The following GPR37 variants were observed in gnomAD, a reference collection of about 807,000 sequenced individuals.
The protein encoded by GPR37 is G protein-coupled receptor 37.
GPR37 carries 20 observed loss-of-function variants against 43.6 expected under a neutral mutation model. The ratio of observed to expected loss-of-function variants is 0.46; its 90% CI spans 0.32 to 0.67. GPR37 has a LOEUF of 0.67. Ranked by LOEUF, GPR37 falls within the 30% of genes least tolerant of loss-of-function variation. The probability of loss-of-function intolerance (pLI) is 0.03; values close to 1 mark genes in which losing one functional copy is unlikely to be tolerated. For missense variants in GPR37, 724 were observed against 797.2 expected, an observed-to-expected ratio of 0.91 and a Z score of 1.11; for synonymous variants, 315 against 322.6, an observed-to-expected ratio of 0.98 and a Z score of 0.25.
intron 1 of GPR37, among the ~76,000 whole-genome samples, chr7:124,754,082 A>C (rs1025171366): frequency 1.3e-5 from 2 of 152,102 alleles, no homozygotes; most frequent in Non-Finnish European, 2.9e-5. Context: ...AATAATACAA[A>C]CAGAAAGAAA....
intron 1 of GPR37, 56 bp from the exon 2 acceptor site, chr7:124,747,399 C>G (rs1793686425): frequency 1.8e-6 from 2 of 1,138,868 alleles, no homozygotes; most frequent in Non-Finnish European, 2.5e-6. Context: ...GATCAAAGCA[C>G]TAGGAAATAA....
At chr7:124,763,032 G>T (rs1235107371) in intron 1 of GPR37, among the ~76,000 whole-genome samples, 2 of 152,164 alleles carry the variant, frequency 1.3e-5, no homozygotes, top group Non-Finnish European at 2.9e-5. Flanking sequence ...AAAGAGCAAA[G>T]TCCACCTACC....
chr7:124,752,480 T>C (rs1239959146), intron 1 of GPR37, among the ~76,000 whole-genome samples: 2 of 152,150 alleles, frequency 1.3e-5, no homozygotes, highest in Admixed American at 6.5e-5. Flanking sequence ...CTCATTACAG[T>C]CTACTAGGCA....
Position 124,746,484 on chromosome 7 carries a change from A to G in GPR37, c.*41T>C, listed in dbSNP as rs774209304. ...GAATTAAAAACTTTCACGGGATATG[A>G]AAATCAAACAAATAAATCTGACCCA... On this transcript the variant is annotated 3_prime_UTR_variant, in exon 2 of 2. Coordinates refer to ENST00000303921, the MANE Select transcript of GPR37 (RefSeq NM_005302.5). 10 of 1,409,302 alleles carry G rather than the reference A, an allele frequency of 7.1e-6. No individual in the cohort carries two copies. The South Asian group carries it at 1.5e-4, about 22-fold the overall frequency. The allele number at this position is 1,409,302 out of a possible 1,614,324, so 87.3% of individuals were successfully genotyped here.
intron 1 of GPR37, among the ~76,000 whole-genome samples, chr7:124,751,082 TTC>T (rs1486775404): frequency 6.6e-6 from 1 of 152,098 alleles, no homozygotes; most frequent in Non-Finnish European, 1.5e-5. Flanking sequence ...ACATCCAGGC[TTC>T]TGTTTTCAAA....
In GPR37 at chr7:124,765,237, A is replaced by G. The variant is rs1793906974; in HGVS notation, c.-261T>C. ...AAGGTATGCCCTCCAAGGTTCCTAG[A>G]GGGAATAGGCTACTCCCGGTGGCTG... On this transcript the variant is annotated 5_prime_UTR_variant, in exon 1 of 2. Transcript: ENST00000303921. 1.2e-5 allele frequency: 5 copies of G among 415,406 alleles called. No homozygotes were observed. The highest frequency in any genetic ancestry group is 1.6e-4 in the South Asian group (2 of 12,648). The allele number at this position is 415,406 out of a possible 1,614,324, so 25.7% of individuals were successfully genotyped here.
rs34579557 is a variant in GPR37, at chr7:124,744,610, A to G, written c.*1915T>C. ...GCCTTTCATGCTCTCTTCTAACCCT[A>G]TAAGCATTCCCTCTATTCCAAAGTA... is the stretch of plus-strand genomic sequence containing the variant. On this transcript the variant is annotated 3_prime_UTR_variant, in exon 2 of 2. Coordinates refer to ENST00000303921, the MANE Select transcript of GPR37 (RefSeq NM_005302.5). 17 of 152,258 alleles carry G rather than the reference A, an allele frequency of 1.1e-4. No individual in the cohort carries two copies. In the East Asian group the frequency reaches 2.9e-3, roughly 26 times the overall value. 9.4% of individuals were successfully genotyped at this position (152,258 alleles called of 1,614,324 possible). A position where few individuals can be genotyped will look rare whatever the true frequency, so the allele number is the denominator to read the frequency against.
rs144750684 is a variant in GPR37 at position 124,744,801 on chromosome 7, T to C, written c.*1724A>G. On this transcript the variant is annotated 3_prime_UTR_variant, in exon 2 of 2. Coordinates refer to ENST00000303921, the MANE Select transcript of GPR37 (RefSeq NM_005302.5). ...TAGTTACTCAGGTAATAGGATAGAATCTTTTCCACATGACATGCTCAATTG... is the reference window on the plus strand; with the variant it reads ...TAGTTACTCAGGTAATAGGATAGAACCTTTTCCACATGACATGCTCAATTG... 1,335 of 152,280 alleles carry C rather than the reference T, an allele frequency of 8.8e-3. 21 individuals carry two copies. The highest frequency in any genetic ancestry group is 0.031 in the African/African-American group (1,281 of 41,562). The allele number at this position is 152,280 out of a possible 1,614,324, so 9.4% of individuals were successfully genotyped here.
Position 124,744,174 on chromosome 7 carries a change from A to G in GPR37, c.*2351T>C, listed in dbSNP as rs1255754445. 3 of 152,214 alleles carry G rather than the reference A, an allele frequency of 2.0e-5. No individual in the cohort carries two copies. In the South Asian group the frequency reaches 6.2e-4, roughly 32 times the overall value. The allele number at this position is 152,214 out of a possible 1,614,324, so 9.4% of individuals were successfully genotyped here. A position where few individuals can be genotyped will look rare whatever the true frequency, so the allele number is the denominator to read the frequency against. On this transcript the variant is annotated 3_prime_UTR_variant, in exon 2 of 2. Coordinates refer to ENST00000303921, the MANE Select transcript of GPR37 (RefSeq NM_005302.5). ...TTCCTGCTGCCTCCATTGTGGTTCA[A>G]TCTCTTATAATAGCTTCCTAGTTGC...
chr7:124,764,545 G>A lies in GPR37; in HGVS notation c.432C>T (p.Leu144=). The A allele has an allele frequency of 3.1e-6, 5 of 1,613,590 alleles. No homozygotes were observed. The highest frequency in any genetic ancestry group is 4.2e-6 in the Non-Finnish European group (5 of 1,180,006). The change falls in exon 1 of 2, where the codon CTC becomes CTT. Residue 144 remains leucine (L), a synonymous_variant. Coordinates refer to ENST00000303921, the MANE Select transcript of GPR37 (RefSeq NM_005302.5). The surrounding 1 kb of genome is among the most constrained non-coding windows in gnomAD (Gnocchi z 5.4). Reference sequence around the variant, plus strand: ...CTTCCTCCTCTGAGATCTGAAGGAAGAGCTGGAGGGCCGTGGGGTTCCCTC... The same window carrying A: ...CTTCCTCCTCTGAGATCTGAAGGAAAAGCTGGAGGGCCGTGGGGTTCCCTC... ...LGRGNPTALQ[L]FLQISEEEEK...
chr7:124,752,437 T>C (rs570936836), intron 1 of GPR37, among the ~76,000 whole-genome samples: 214 of 152,250 alleles, frequency 1.4e-3, no homozygotes, highest in Middle Eastern at 3.4e-3. Context: ...CCTGCTACCA[T>C]GCAGCCAGCA....
chr7:124,754,004 A>G (rs1372551561), intron 1 of GPR37, among the ~76,000 whole-genome samples: 3 of 152,136 alleles, frequency 2.0e-5, no homozygotes, highest in Non-Finnish European at 4.4e-5. Context: ...TTGATAAAGT[A>G]AGAAAAAAAT....
Position 124,764,503 on chromosome 7 carries a change from G to T in GPR37, c.474C>A (p.Gly158=), listed in dbSNP as rs1264541301. Residue 158 remains glycine, a synonymous_variant, in exon 1 of 2, where the codon GGC becomes GGA. Coordinates refer to ENST00000303921, the MANE Select transcript of GPR37 (RefSeq NM_005302.5). This position sits in a 1 kb window ranked among gnomAD's most constrained non-coding sequence, Gnocchi z 5.4. The part of the protein sequence containing the change: ...ISEEEEKGPR[G]AGISGRSQEQ... ...CCTGGCTACGCCCGGAAATGCCAGC[G>T]CCTCTGGGACCCTTCTCTTCCTCCT... 1.2e-6 allele frequency: 2 copies of T among 1,613,486 alleles called. No individual in the cohort carries two copies. The highest frequency in any genetic ancestry group is 1.3e-5 in the African/African-American group (1 of 74,940).
At chr7:124,758,843 C>T (rs556305785) in intron 1 of GPR37, among the ~76,000 whole-genome samples, 2 of 152,276 alleles carry the variant, frequency 1.3e-5, no homozygotes, top group African/African-American at 4.8e-5. Flanking sequence ...CTGGGGTTAT[C>T]TCATTATAAT....
At chr7:124,756,945 A>G (rs1248950095) in intron 1 of GPR37, among the ~76,000 whole-genome samples, 2 of 152,158 alleles carry the variant, frequency 1.3e-5, no homozygotes, top group African/African-American at 2.4e-5. Flanking sequence ...TTATAAGCTC[A>G]TATCTGTTTT....
At chr7:124,748,004 G>A (rs1273035910) in intron 1 of GPR37, among the ~76,000 whole-genome samples, 1 of 152,178 alleles carries the variant, frequency 6.6e-6, no homozygotes, top group Non-Finnish European at 1.5e-5. Context: ...TCTTCATGCT[G>A]CGTGTTTGCC....
rs1295187867 is a variant in GPR37, at chr7:124,745,206, TC to T, written c.*1318del. On this transcript the variant is annotated 3_prime_UTR_variant, in exon 2 of 2. Coordinates refer to ENST00000303921, the MANE Select transcript of GPR37 (RefSeq NM_005302.5). ...AAATCAACAAGCAGAAACTACGTTTTCCCAGCAAGAAAACTGGGTTCTCTAT... is the reference window on the plus strand; with the variant it reads ...AAATCAACAAGCAGAAACTACGTTTTCCAGCAAGAAAACTGGGTTCTCTAT... Among the ~76,000 whole-genome samples the T allele has an allele frequency of 2.0e-5, 3 of 152,178 alleles. No homozygotes were observed. Among genetic ancestry groups the T allele is most frequent in the Non-Finnish European group, 4.4e-5 (3 of 68,020 alleles).
In GPR37 at chr7:124,763,979, G is replaced by C. The variant is rs201479487; in HGVS notation, c.998C>G (p.Ser333Cys). The change falls in exon 1 of 2, where the codon TCC becomes TGC. Residue 333 changes from serine (S) to cysteine (C), a missense_variant. Transcript: ENST00000303921. ...LTKKWLLEDF[S>C]CKIVPYIEVA... ...CTCTATATAGGGCACGATCTTGCAGGAGAAGTCCTCCAGCAGCCACTTCTT... is the reference window on the plus strand; with the variant it reads ...CTCTATATAGGGCACGATCTTGCAGCAGAAGTCCTCCAGCAGCCACTTCTT... 5.0e-6 allele frequency: 8 copies of C among 1,613,872 alleles called. No homozygotes were observed. The African/African-American group carries it at 1.1e-4, about 22-fold the overall frequency.
chr7:124,748,899 T>C (rs1222718629), intron 1 of GPR37, among the ~76,000 whole-genome samples: 1 of 152,082 alleles, frequency 6.6e-6, no homozygotes, highest in Non-Finnish European at 1.5e-5. Flanking sequence ...AAGCATGCTA[T>C]CATTTCATTT....
Sources: gnomAD v4.1 joint callset for allele counts (sites outside exome capture counted in the v4.1 genomes callset) on GRCh38, gnomAD v4.1.1 for gene constraint, Gnocchi (gnomAD v3.1) non-coding constraint, MANE v1.5 for transcripts, NCBI Gene and HGNC (gene_info 2026-07-23, HGNC 2026-07-21) for gene names.